ANO3: variants seen among roughly 807,000 people sequenced by gnomAD.
ANO3 encodes the protein anoctamin-3.
In ANO3, 99 loss-of-function variants were observed where a neutral mutation model predicts 144.8. The ratio of observed to expected loss-of-function variants is 0.68; its 90% confidence interval spans 0.58 to 0.81. The LOEUF (loss-of-function observed/expected upper bound fraction) is 0.81, where lower values mean the gene tolerates loss of function less well. ANO3 is among the 30% of genes least tolerant of loss of function. ANO3 has a pLI of 0.00. For synonymous variants in ANO3, 414 were observed against 392.6 expected (o/e 1.05, Z -0.64); for missense variants, 905 against 1,202.2 (o/e 0.75, Z 3.66).
chr11:26,394,058 A>T (rs1856944938), intron 1 of ANO3, among the ~76,000 whole-genome samples: 1 of 152,172 alleles, frequency 6.6e-6, no homozygotes, highest in Non-Finnish European at 1.5e-5. Context: ...AAATTTTAGG[A>T]TACCAAAATC....
intron 24 of ANO3, among the ~76,000 whole-genome samples, chr11:26,652,296 C>G (rs1174451480): frequency 6.6e-6 from 1 of 152,178 alleles, no homozygotes; most frequent in Non-Finnish European, 1.5e-5. Context: ...TCTCCTTGCT[C>G]CTCAAGCCTT....
chr11:26,240,798 G>A (rs932515478), intron 1 of ANO3, among the ~76,000 whole-genome samples: 14 of 152,084 alleles, frequency 9.2e-5, no homozygotes, highest in Non-Finnish European at 1.3e-4. Context: ...TTATGGAAAC[G>A]TATATCTTAT....
intron 1 of ANO3, among the ~76,000 whole-genome samples, chr11:26,239,632 A>T (rs1183720553): frequency 6.6e-6 from 1 of 152,118 alleles, no homozygotes; most frequent in Non-Finnish European, 1.5e-5. Context: ...CTGAAGGGAA[A>T]TTTTTTATTT....
At chr11:26,484,185 G>T (rs1026718112) in intron 4 of ANO3, among the ~76,000 whole-genome samples, 1 of 152,150 alleles carries the variant, frequency 6.6e-6, no homozygotes, top group Non-Finnish European at 1.5e-5. Flanking sequence ...GAGCATAAAA[G>T]TTTGGAAAAT....
At chr11:26,611,216 T>C (rs1262583073) in intron 17 of ANO3, among the ~76,000 whole-genome samples, 1 of 152,104 alleles carries the variant, frequency 6.6e-6, no homozygotes, top group African/African-American at 2.4e-5. Flanking sequence ...GGTCAGGTTA[T>C]TGGGAATCTT....
intron 1 of ANO3, among the ~76,000 whole-genome samples, chr11:26,322,302 A>G (rs1431321502): frequency 2.6e-5 from 4 of 152,128 alleles, no homozygotes; most frequent in African/African-American, 9.7e-5. Context: ...CTCCCTGCAC[A>G]ATTTCCTTTA....
At chr11:26,288,580 T>C (rs899715144) in intron 1 of ANO3, among the ~76,000 whole-genome samples, 2 of 152,110 alleles carry the variant, frequency 1.3e-5, no homozygotes, top group African/African-American at 4.8e-5. Flanking sequence ...AATAAATAGG[T>C]ATACTTCCGG....
At chr11:26,293,530 C>CATAA (rs375743472) in intron 1 of ANO3, among the ~76,000 whole-genome samples, 1 of 62,434 alleles carries the variant, frequency 1.6e-5, no homozygotes, top group African/African-American at 6.3e-5. Flanking sequence ...CTATAAATTC[C>CATAA]ATGTATATAT....
intron 4 of ANO3, among the ~76,000 whole-genome samples, chr11:26,496,832 A>G (rs562338051): frequency 5.9e-5 from 9 of 151,848 alleles, no homozygotes; most frequent in Non-Finnish European, 1.2e-4. Flanking sequence ...AGTTCCATCC[A>G]TGTTGATGTA....
intron 24 of ANO3, among the ~76,000 whole-genome samples, chr11:26,652,294 C>A (rs767813587): frequency 1.3e-5 from 2 of 152,192 alleles, no homozygotes; most frequent in Non-Finnish European, 2.9e-5. Flanking sequence ...CTTCTCCTTG[C>A]TCCTCAAGCC....
At chr11:26,556,943 A>G (rs967449966) in intron 13 of ANO3, among the ~76,000 whole-genome samples, 1 of 152,142 alleles carries the variant, frequency 6.6e-6, no homozygotes, top group Non-Finnish European at 1.5e-5. Flanking sequence ...CTATAAAGCA[A>G]CTTTAGAACA....
chr11:26,292,862 C>T (rs976560008), intron 1 of ANO3, among the ~76,000 whole-genome samples: 6 of 152,130 alleles, frequency 3.9e-5, no homozygotes, highest in African/African-American at 1.2e-4. Flanking sequence ...AGGTGTCTCC[C>T]AGTTAGGCTA....
chr11:26,427,791 G>A (rs1490672284), intron 1 of ANO3, among the ~76,000 whole-genome samples: 1 of 152,122 alleles, frequency 6.6e-6, no homozygotes, highest in Non-Finnish European at 1.5e-5. Flanking sequence ...TGGTTGGGGA[G>A]GCCTCAGGAA....
At chr11:26,270,719 T>C (rs1340997218) in intron 1 of ANO3, among the ~76,000 whole-genome samples, 1 of 152,156 alleles carries the variant, frequency 6.6e-6, no homozygotes, top group African/African-American at 2.4e-5. Context: ...ATGAGAAAAA[T>C]ACAGACCTTC....
chr11:26,267,670 C>G (rs117312804), intron 1 of ANO3, among the ~76,000 whole-genome samples: 3 of 152,258 alleles, frequency 2.0e-5, no homozygotes, highest in East Asian at 3.9e-4. Flanking sequence ...CTTAACATCT[C>G]TTTTCAAATT....
intron 1 of ANO3, among the ~76,000 whole-genome samples, chr11:26,246,317 A>T (rs1009071290): frequency 9.9e-5 from 15 of 151,980 alleles, no homozygotes; most frequent in African/African-American, 3.6e-4. Context: ...CAGTTTCCAA[A>T]CCAGGAGTGG....
intron 14 of ANO3, among the ~76,000 whole-genome samples, chr11:26,595,476 T>TA (rs1238908027): frequency 6.8e-6 from 1 of 147,100 alleles, no homozygotes; most frequent in Non-Finnish European, 1.5e-5. Flanking sequence ...TTTTTTTTTT[T>TA]TTTTTTTTTT....
intron 23 of ANO3, among the ~76,000 whole-genome samples, chr11:26,646,860 C>G (rs973488611): frequency 6.6e-5 from 10 of 151,940 alleles, no homozygotes; most frequent in Non-Finnish European, 1.5e-4. Flanking sequence ...TTAATGTACT[C>G]AAATATGATT....
intron 1 of ANO3, among the ~76,000 whole-genome samples, chr11:26,297,713 A>T (rs1181699841): frequency 6.6e-6 from 1 of 152,174 alleles, no homozygotes; most frequent in Non-Finnish European, 1.5e-5. Context: ...ACAAAGGGAA[A>T]GGCAATAATT....
Sources: gnomAD v4.1 joint callset for allele counts (sites outside exome capture counted in the v4.1 genomes callset) on GRCh38, gnomAD v4.1.1 for gene constraint, MANE v1.5 for transcripts, NCBI Gene and HGNC (gene_info 2026-07-23, HGNC 2026-07-21) for gene names.